Variants in MIIP observed in about 807,000 individuals in gnomAD.
MIIP encodes the protein migration and invasion-inhibitory protein.
Under a neutral mutation model 44.8 loss-of-function variants are expected in MIIP, and 44 were observed. The ratio of observed to expected loss-of-function variants is 0.98; its 90% CI spans 0.77 to 1.26. MIIP has a LOEUF of 1.26. Among genes scored for constraint, MIIP ranks in the 50% most tolerant of loss-of-function variants. MIIP has a pLI of 0.00. For synonymous variants in MIIP, 225 were observed against 218.3 expected, an observed-to-expected ratio of 1.03 and a Z score of -0.27; for missense variants, 496 against 511.7, an observed-to-expected ratio of 0.97 and a Z score of 0.30.
At chr1:12,019,834 T>A (rs893491722) in intron 1 of MIIP, among the ~76,000 whole-genome samples, 4 of 152,176 alleles carry the variant, frequency 2.6e-5, no homozygotes, top group African/African-American at 9.7e-5. Context: ...TTTGACCCCG[T>A]GCGAAAACGG....
intron 4 of MIIP, among the ~76,000 whole-genome samples, chr1:12,026,179 C>T (rs1640102482): frequency 1.3e-5 from 2 of 152,088 alleles, no homozygotes; most frequent in South Asian, 4.1e-4. Context: ...GTGGCGGGCA[C>T]CTATAATCCC....
chr1:12,025,221 A>G lies in MIIP; in HGVS notation c.547+2304A>G, dbSNP rs567568229. Among the ~76,000 whole-genome samples, 434 of 151,522 alleles carry G rather than the reference A, an allele frequency of 2.9e-3. 2 individuals carry two copies. Among genetic ancestry groups the G allele is most frequent in the African/African-American group, 0.01 (418 of 41,300 alleles). ...ATTACAGGTGTGCGCCACCACACCC[A>G]GCTAATTTTTGCATTTTTAGTAGAG... On this transcript the variant is annotated intron_variant, in intron 4 of 9. Transcript: ENST00000235332.
At position 12,031,390 on chromosome 1, in the gene MIIP, G is replaced by A. The variant is rs1419882640; in HGVS notation, c.1067G>A (p.Ser356Asn). Reference protein sequence around the residue: ...AQHQKLSGTSSPFHPASPMQM... With the variant: ...AQHQKLSGTSNPFHPASPMQM... ...CACCAGAAGCTGTCCGGCACCAGCA[G>A]CCCTTTTCACCCGGTACGGTCCAGA... is the stretch of plus-strand genomic sequence containing the variant. The change falls in exon 9 of 10, where the codon AGC (serine) becomes AAC (asparagine). Residue 356 changes from serine to asparagine, a missense_variant. By Grantham distance (46) the Ser-to-Asn change is conservative. Transcript: ENST00000235332. 6.2e-7 allele frequency: 1 copy of A among 1,613,708 alleles called. No homozygotes were observed.
Position 12,029,060 on chromosome 1 carries a change from C to G in MIIP, c.575C>G (p.Thr192Ser), listed in dbSNP as rs141628314. The stretch of plus-strand genomic sequence containing the variant: ...TCTCTGGACACCAGCTCTTCCATCA[C>G]CAGCCAGCCTGAGGCCTTCTTCTCC... ...AGSLDTSSSI[T>S]SQPEAFFSKL... The change falls in exon 5 of 10, where the codon ACC becomes AGC. Residue 192 changes from threonine (T) to serine (S), a missense_variant. Transcript: ENST00000235332. 16 of 1,614,068 alleles carry G rather than the reference C, an allele frequency of 9.9e-6. No homozygotes were observed. Among genetic ancestry groups the G allele is most frequent in the Non-Finnish European group, 2.5e-6 (3 of 1,180,020 alleles).
Position 12,029,754 on chromosome 1 carries a change from G to A in MIIP, c.716-11G>A. On this transcript the variant is annotated splice_polypyrimidine_tract_variant and intron_variant, in intron 6 of 9. Coordinates refer to ENST00000235332, the MANE Select transcript of MIIP (RefSeq NM_021933.4). The stretch of plus-strand genomic sequence containing the variant: ...CTCAGGGAGAGCTGTGGCTTCTCAT[G>A]GGCCTCGCAGGCGTGTACTGTTACC... 1 of 1,605,268 alleles carries A rather than the reference G, an allele frequency of 6.2e-7. No individual in the cohort carries two copies.
Position 12,028,675 on chromosome 1 carries a change from G to GTT in MIIP, c.548-346_548-345dup, listed in dbSNP as rs746605896. 3.5e-3 allele frequency: 640 copies of GTT among 184,332 alleles called. 1 individual carries two copies. Among genetic ancestry groups the GTT allele is most frequent in the African/African-American group, 9.1e-3 (370 of 40,756 alleles). The allele number at this position is 184,332 out of a possible 1,614,324, so 11.4% of individuals were successfully genotyped here. A position where few individuals can be genotyped will look rare whatever the true frequency, so the allele number is the denominator to read the frequency against. ...ATCAGCATTCAGTCTTGTATCACGG[G>GTT]TTTTTTTTTTTTTGGTGGCTAGTTC... is the stretch of plus-strand genomic sequence containing the variant. On this transcript the variant is annotated intron_variant, in intron 4 of 9. Transcript: ENST00000235332.
In MIIP at chr1:12,022,160, T is replaced by G. The variant is rs1352477104; in HGVS notation, c.180T>G (p.Thr60=). The change falls in exon 3 of 10, where the codon ACT becomes ACG. Residue 60 remains threonine, a synonymous_variant. Transcript: ENST00000235332. The part of the protein sequence containing the change: ...ETPSTPETSS[T]SLSTSCPRGR... The stretch of plus-strand genomic sequence containing the variant: ...CATCGACCCCAGAGACGTCCTCAAC[T>G]TCCTTGAGCACCTCCTGCCCACGGG... 1 of 1,613,948 alleles carries G rather than the reference T, an allele frequency of 6.2e-7. No homozygotes were observed. The highest frequency in any genetic ancestry group is 2.2e-5 in the East Asian group (1 of 44,874).
Position 12,031,295 on chromosome 1 carries a change from T to C in MIIP, c.972T>C (p.Pro324=). The stretch of plus-strand genomic sequence containing the variant: ...GCCTGCTGGGCTGGGACATTTTTCC[T>C]CCGAAGTCTGAGAAAAGCTCAGCCC... ...RHCLLGWDIF[P]PKSEKSSAPR... is the part of the protein sequence containing the mutation. Residue 324 remains proline (P), a synonymous_variant, in exon 9 of 10, where the codon CCT becomes CCC. Coordinates refer to ENST00000235332, the MANE Select transcript of MIIP (RefSeq NM_021933.4). 5.0e-6 allele frequency: 8 copies of C among 1,613,918 alleles called. No homozygotes were observed. Among genetic ancestry groups the C allele is most frequent in the Non-Finnish European group, 6.8e-6 (8 of 1,179,908 alleles).
rs1384405923 is a variant in MIIP, at chr1:12,029,895, G to C, written c.845+1G>C. 2 of 1,612,762 alleles carry C rather than the reference G, an allele frequency of 1.2e-6. No individual in the cohort carries two copies. The highest frequency in any genetic ancestry group is 4.5e-5 in the East Asian group (2 of 44,826). On this transcript the variant is annotated splice_donor_variant, in intron 7 of 9. Coordinates refer to ENST00000235332, the MANE Select transcript of MIIP (RefSeq NM_021933.4). LOFTEE classifies it high-confidence loss of function. ...CCCTGGCGCAGCCAGCGCACGTCAGGTGAGTGACCAGAGTATTGGGACACC... is the reference window on the plus strand; with the variant it reads ...CCCTGGCGCAGCCAGCGCACGTCAGCTGAGTGACCAGAGTATTGGGACACC...
rs577760006 is a variant in MIIP at position 12,023,073 on chromosome 1, T to C, written c.547+156T>C. On this transcript the variant is annotated intron_variant, in intron 4 of 9. Transcript: ENST00000235332. ...GGGAGCACCCTCTTTTTTTTTTTTT[T>C]TTTTTTTTGAGACGGAGTCTCACTC... Among the ~76,000 whole-genome samples the C allele has an allele frequency of 7.0e-4, 104 of 148,616 alleles. 2 individuals carry two copies. Among genetic ancestry groups the C allele is most frequent in the Non-Finnish European group, 2.2e-4 (15 of 66,830 alleles).
At chr1:12,022,966 G>GGAGGCCTGGGAGTGGGAGGTT in intron 4 of MIIP, 49 bp downstream of exon 4, 1 of 1,442,802 alleles carries the variant, frequency 6.9e-7, no homozygotes, top group South Asian at 1.2e-5. Flanking sequence ...AGTGGGAGGT[G>GGAGGCCTGGGAGTGGGAGGTT]GAGGCCTGGG....
At chr1:12,021,525 CTG>C (rs1639975489) in intron 1 of MIIP, 118 bp from the exon 2 acceptor site, 1 of 578,288 alleles carries the variant, frequency 1.7e-6, no homozygotes, top group African/African-American at 1.9e-5. Context: ...GATGAGGAAA[CTG>C]AGGCACAGAG....
At chr1:12,019,887 A>G (rs1639933050) in intron 1 of MIIP, among the ~76,000 whole-genome samples, 1 of 152,206 alleles carries the variant, frequency 6.6e-6, no homozygotes, top group African/African-American at 2.4e-5. Flanking sequence ...CCACTTGGCC[A>G]GTTAGGGGTG....
chr1:12,021,267 G>A (rs952817806), intron 1 of MIIP, among the ~76,000 whole-genome samples: 3 of 151,802 alleles, frequency 2.0e-5, no homozygotes, highest in Non-Finnish European at 2.9e-5. Context: ...GGTGGCAGGC[G>A]CCTGTAGTCC....
Position 12,031,417 on chromosome 1 carries a change from C to G in MIIP, c.1080+14C>G, listed in dbSNP as rs778380761. The G allele has an allele frequency of 8.7e-6, 14 of 1,609,740 alleles. No homozygotes were observed. The South Asian group carries it at 1.4e-4, about 16-fold the overall frequency. ...CCTTTTCACCCGGTACGGTCCAGATCGCATCCTAGCCTGGGGTGCCCCCTA... is the reference window on the plus strand; with the variant it reads ...CCTTTTCACCCGGTACGGTCCAGATGGCATCCTAGCCTGGGGTGCCCCCTA... On this transcript the variant is annotated intron_variant, in intron 9 of 9. Coordinates refer to ENST00000235332, the MANE Select transcript of MIIP (RefSeq NM_021933.4).
intron 1 of MIIP, among the ~76,000 whole-genome samples, chr1:12,021,049 A>G (rs1639963085): frequency 6.6e-6 from 1 of 151,994 alleles, no homozygotes; most frequent in South Asian, 2.1e-4. Flanking sequence ...GGCTAAAGCT[A>G]TCCTCCTGAG....
At chr1:12,020,244 A>C (rs756592580) in intron 1 of MIIP, among the ~76,000 whole-genome samples, 1 of 152,152 alleles carries the variant, frequency 6.6e-6, no homozygotes, top group Non-Finnish European at 1.5e-5. Flanking sequence ...TGGTTTCTTC[A>C]TATGTAAAAA....
In MIIP at chr1:12,031,400, C is replaced by G; in HGVS notation, c.1077C>G (p.His359Gln). 3 of 1,613,518 alleles carry G rather than the reference C, an allele frequency of 1.9e-6. No individual in the cohort carries two copies. Among genetic ancestry groups the G allele is most frequent in the Non-Finnish European group, 2.5e-6 (3 of 1,179,800 alleles). The change falls in exon 9 of 10, where the codon CAC (histidine) becomes CAG (glutamine). Residue 359 changes from histidine (H) to glutamine (Q), a missense_variant. By Grantham distance (24) the His-to-Gln change is conservative. Coordinates refer to ENST00000235332, the MANE Select transcript of MIIP (RefSeq NM_021933.4). ...QKLSGTSSPF[H>Q]PASPMQMLPP... ...TGTCCGGCACCAGCAGCCCTTTTCA[C>G]CCGGTACGGTCCAGATCGCATCCTA...
rs1569914159 is a variant in MIIP, at chr1:12,022,170, A to C, written c.190A>C (p.Thr64Pro). 6.2e-7 allele frequency: 1 copy of C among 1,613,592 alleles called. No individual in the cohort carries two copies. Among genetic ancestry groups the C allele is most frequent in the Non-Finnish European group, 8.5e-7 (1 of 1,179,884 alleles). ...TPETSSTSLS[T>P]SCPRGRSSVW... ...AGAGACGTCCTCAACTTCCTTGAGC[A>C]CCTCCTGCCCACGGGGCCGGTCCTC... is the stretch of plus-strand genomic sequence containing the variant. Residue 64 changes from threonine (T) to proline (P), a missense_variant, in exon 3 of 10, where the codon ACC becomes CCC. By Grantham distance (38) the Thr-to-Pro change is conservative (BLOSUM62 -1). Transcript: ENST00000235332.
Sources: allele counts gnomAD v4.1 joint callset (sites outside exome capture counted in the v4.1 genomes callset), GRCh38; gene constraint gnomAD v4.1.1; transcripts MANE v1.5; gene names NCBI Gene and HGNC (gene_info 2026-07-23, HGNC 2026-07-21).